Variants in DAAM1 observed in about 807,000 individuals in gnomAD.
DAAM1 encodes the protein dishevelled associated activator of morphogenesis 1, also known as disheveled-associated activator of morphogenesis 1.
DAAM1 carries 52 observed loss-of-function variants against 130.0 expected under a neutral mutation model. The observed-to-expected ratio is 0.40, with a 90% CI of 0.32 to 0.50. The LOEUF (loss-of-function observed/expected upper bound fraction) is 0.50, where lower values mean the gene tolerates loss of function less well. Ranked by LOEUF, DAAM1 falls within the 20% of genes least tolerant of loss-of-function variation. The pLI is 0.61. For missense variants in DAAM1, 1,134 were observed against 1,303.8 expected, an observed-to-expected ratio of 0.87 and a Z score of 2.01; for synonymous variants, 452 against 444.5, an observed-to-expected ratio of 1.02 and a Z score of -0.21.
intron 23 of DAAM1, among the ~76,000 whole-genome samples, chr14:59,365,458 CTCTTT>C (rs1566511742): frequency 7.1e-6 from 1 of 140,654 alleles, no homozygotes; most frequent in African/African-American, 2.7e-5. Context: ...GCCCAAAGAA[CTCTTT>C]TCTAATAGAA....
At chr14:59,194,719 A>G (rs1276494083) in intron 1 of DAAM1, among the ~76,000 whole-genome samples, 1 of 152,244 alleles carries the variant, frequency 6.6e-6, no homozygotes, top group Non-Finnish European at 1.5e-5. Flanking sequence ...AGATATTAAA[A>G]TAAACTTTTT....
Position 59,370,239 on chromosome 14 carries a change from G to A in DAAM1, c.*1380G>A, listed in dbSNP as rs1000264934. On this transcript the variant is annotated 3_prime_UTR_variant, in exon 25 of 25. Transcript: ENST00000360909. ...TTTTCTTTCTATTGATCCTGTTGTG[G>A]TTGGGTTTCCTGTGGAGAGAGTAGT... 6.9e-6 allele frequency: 1 copy of A among 145,178 alleles called. No individual in the cohort carries two copies. Among genetic ancestry groups the A allele is most frequent in the Non-Finnish European group, 1.5e-5 (1 of 66,852 alleles). 9.0% of individuals were successfully genotyped at this position (145,178 alleles called of 1,614,324 possible).
intron 16 of DAAM1, among the ~76,000 whole-genome samples, chr14:59,345,937 T>G (rs1373794430): frequency 1.3e-5 from 2 of 152,222 alleles, no homozygotes; most frequent in African/African-American, 2.4e-5. Flanking sequence ...AAGCACTGTT[T>G]AATGGGTTCT....
chr14:59,273,401 G>A (rs1882814624), intron 2 of DAAM1, among the ~76,000 whole-genome samples: 1 of 152,152 alleles, frequency 6.6e-6, no homozygotes, highest in African/African-American at 2.4e-5. Context: ...GCATGAAGAG[G>A]TGGAGGAAAG....
chr14:59,192,984 C>T (rs566060048), intron 1 of DAAM1, among the ~76,000 whole-genome samples: 2 of 152,288 alleles, frequency 1.3e-5, no homozygotes, highest in African/African-American at 4.8e-5. Flanking sequence ...ACCAGGGAGG[C>T]GGAGCTTGCA....
At chr14:59,194,150 G>C (rs969258841) in intron 1 of DAAM1, among the ~76,000 whole-genome samples, 1 of 134,868 alleles carries the variant, frequency 7.4e-6, no homozygotes, top group Non-Finnish European at 1.6e-5. Context: ...CCTGGTTTCT[G>C]ACTTTCCGGC....
At chr14:59,199,298 T>A (rs1045229243) in intron 1 of DAAM1, among the ~76,000 whole-genome samples, 2 of 152,218 alleles carry the variant, frequency 1.3e-5, no homozygotes, top group Admixed American at 6.5e-5. Context: ...TTTCTTTTTT[T>A]AAATTTGACA....
intron 1 of DAAM1, among the ~76,000 whole-genome samples, chr14:59,257,550 C>T (rs948486355): frequency 3.3e-5 from 5 of 152,176 alleles, no homozygotes; most frequent in Admixed American, 1.3e-4. Context: ...ACACTGTAGA[C>T]GTGTGGGCTG....
intron 1 of DAAM1, among the ~76,000 whole-genome samples, chr14:59,244,176 C>T (rs1881253912): frequency 1.3e-5 from 2 of 151,916 alleles, no homozygotes; most frequent in East Asian, 1.9e-4. Flanking sequence ...GTAAGACATG[C>T]CTTTCATCTT....
intron 1 of DAAM1, among the ~76,000 whole-genome samples, chr14:59,221,751 A>C (rs1257950390): frequency 6.6e-6 from 1 of 152,226 alleles, no homozygotes; most frequent in Non-Finnish European, 1.5e-5. Context: ...CTGCTGACTC[A>C]GAGGCATGAG....
At chr14:59,321,276 GA>G (rs909318766) in intron 5 of DAAM1, among the ~76,000 whole-genome samples, 10 of 152,310 alleles carry the variant, frequency 6.6e-5, no homozygotes, top group Admixed American at 5.2e-4. Context: ...CATAGAAACA[GA>G]AAGTAGATTA....
intron 1 of DAAM1, among the ~76,000 whole-genome samples, chr14:59,261,281 A>T (rs1002799844): frequency 6.6e-6 from 1 of 152,170 alleles, no homozygotes; most frequent in Non-Finnish European, 1.5e-5. Flanking sequence ...ACTTACTGGC[A>T]TATTACCTTT....
Position 59,367,589 on chromosome 14 carries a change from T to C in DAAM1, c.2987T>C (p.Met996Thr). Residue 996 changes from methionine to threonine, a missense_variant, in exon 24 of 25, where the codon ATG (methionine) becomes ACG (threonine). Transcript: ENST00000360909. ...KKEEEERRAR[M>T]EAQLKEQRER... ...GAGGAAGAAGAACGTCGAGCTCGCA[T>C]GGAAGCTCAGGTGAGAGGATGATTA... The C allele has an allele frequency of 6.2e-7, 1 of 1,613,294 alleles. No homozygotes were observed. Among genetic ancestry groups the C allele is most frequent in the Non-Finnish European group, 8.5e-7 (1 of 1,179,582 alleles).
At chr14:59,358,342 T>C (rs375531704) in intron 20 of DAAM1, among the ~76,000 whole-genome samples, 2 of 152,226 alleles carry the variant, frequency 1.3e-5, no homozygotes, top group Non-Finnish European at 2.9e-5. Flanking sequence ...AGTTCAGCCC[T>C]GTCACCACCA....
At chr14:59,194,899 A>G (rs568858083) in intron 1 of DAAM1, among the ~76,000 whole-genome samples, 2 of 152,340 alleles carry the variant, frequency 1.3e-5, no homozygotes, top group East Asian at 3.9e-4. Context: ...CGTGACTTAC[A>G]ATAGATCTTT....
At chr14:59,256,506 G>A (rs1594783004) in intron 1 of DAAM1, among the ~76,000 whole-genome samples, 1 of 152,326 alleles carries the variant, frequency 6.6e-6, no homozygotes, top group Admixed American at 6.5e-5. Context: ...GTTTCCTTGT[G>A]TATAGCATAG....
At chr14:59,303,448 C>T (rs1468218644) in intron 3 of DAAM1, among the ~76,000 whole-genome samples, 1 of 152,188 alleles carries the variant, frequency 6.6e-6, no homozygotes, top group Admixed American at 6.5e-5. Context: ...TTACAGCATT[C>T]CTTAGAACTG....
chr14:59,340,616 T>C (rs1885808092), intron 16 of DAAM1, among the ~76,000 whole-genome samples: 1 of 152,234 alleles, frequency 6.6e-6, no homozygotes, highest in African/African-American at 2.4e-5. Context: ...TTCATGTTCT[T>C]TTTGAGCATT....
chr14:59,325,482 G>C (rs185986023), intron 8 of DAAM1, among the ~76,000 whole-genome samples, 182 bp from the exon 9 acceptor site: 1 of 152,076 alleles, frequency 6.6e-6, no homozygotes, highest in Non-Finnish European at 1.5e-5. Context: ...GATCTGTTTC[G>C]CTCAGGTGAT....
Sources: allele counts gnomAD v4.1 joint callset (sites outside exome capture counted in the v4.1 genomes callset), GRCh38; gene constraint gnomAD v4.1.1; transcripts MANE v1.5; gene names NCBI Gene and HGNC (gene_info 2026-07-23, HGNC 2026-07-21).